DCDC1: variants seen among roughly 807,000 people sequenced by gnomAD.
DCDC1 encodes doublecortin domain containing 1.
DCDC1 carries 200 observed loss-of-function variants against 178.3 expected under a neutral mutation model. The observed-to-expected ratio is 1.12, with a 90% CI of 1.00 to 1.26. DCDC1 has a LOEUF of 1.26. Among genes scored for constraint, DCDC1 ranks in the 50% most tolerant of loss-of-function variants. The pLI is 0.00. For missense variants in DCDC1, 1,983 were observed against 1,749.2 expected (o/e 1.13, Z -2.38); for synonymous variants, 690 against 604.8 (o/e 1.14, Z -2.07).
intron 37 of DCDC1, among the ~76,000 whole-genome samples, chr11:30,879,185 T>C (rs892963617): frequency 3.3e-5 from 5 of 152,212 alleles, no homozygotes; most frequent in African/African-American, 4.8e-5. Flanking sequence ...AAATGTTTTT[T>C]GATATTATAA....
At chr11:31,069,497 T>C (rs556807416) in intron 18 of DCDC1, among the ~76,000 whole-genome samples, 2 of 152,292 alleles carry the variant, frequency 1.3e-5, no homozygotes, top group South Asian at 4.1e-4. Context: ...GCTAAAAACA[T>C]CAAAGCCCAA....
At chr11:31,262,693 T>G (rs925255770) in intron 8 of DCDC1, 1 of 189,018 alleles carries the variant, frequency 5.3e-6, no homozygotes, top group African/African-American at 2.3e-5. Flanking sequence ...ACTTGACCTT[T>G]CCCAAGTTGA....
chr11:31,312,844 A>G (rs1948850469), intron 3 of DCDC1: 1 of 152,048 alleles, frequency 6.6e-6, no homozygotes, highest in Non-Finnish European at 1.5e-5. Context: ...ATGTACATAT[A>G]TAATATATAA....
At chr11:31,367,263 C>A (rs920996628) in intron 1 of DCDC1, among the ~76,000 whole-genome samples, 1 of 152,230 alleles carries the variant, frequency 6.6e-6, no homozygotes, top group Non-Finnish European at 1.5e-5. Flanking sequence ...CATGCCACTG[C>A]ACTCCAGACT....
chr11:31,358,623 A>G (rs1272400558), intron 1 of DCDC1, among the ~76,000 whole-genome samples: 3 of 152,158 alleles, frequency 2.0e-5, no homozygotes, highest in Non-Finnish European at 4.4e-5. Flanking sequence ...CTGCACAGCA[A>G]AAGAAACTAC....
intron 10 of DCDC1, among the ~76,000 whole-genome samples, chr11:31,133,889 A>T (rs1202480038): frequency 6.6e-6 from 1 of 152,058 alleles, no homozygotes; most frequent in Non-Finnish European, 1.5e-5. Flanking sequence ...TTTTTAGTAA[A>T]GATTGGTTTC....
At chr11:31,282,297 G>C (rs1330646123) in intron 7 of DCDC1, among the ~76,000 whole-genome samples, 3 of 151,668 alleles carry the variant, frequency 2.0e-5, no homozygotes, top group Non-Finnish European at 4.4e-5. Context: ...CTCAGTTTTG[G>C]TAATTTATGT....
intron 9 of DCDC1, among the ~76,000 whole-genome samples, chr11:31,239,091 T>C (rs1976801296): frequency 3.3e-5 from 5 of 152,080 alleles, no homozygotes; most frequent in Non-Finnish European, 2.9e-5. Context: ...TTTTTATATG[T>C]GGTCTCAAAA....
intron 37 of DCDC1, among the ~76,000 whole-genome samples, chr11:30,880,594 GCTAATATATAC>G (rs1942573639): frequency 6.6e-6 from 1 of 151,992 alleles, no homozygotes; most frequent in African/African-American, 2.4e-5. Flanking sequence ...TTATATCTTT[GCTAATATATAC>G]CTACCTACAA....
intron 1 of DCDC1, among the ~76,000 whole-genome samples, chr11:31,351,540 CT>C (rs1205121888): frequency 1.3e-5 from 2 of 151,988 alleles, no homozygotes; most frequent in Admixed American, 6.6e-5. Flanking sequence ...ATGGAGCAGG[CT>C]CAGAAAAGTT....
rs568554999 is a variant in DCDC1, at chr11:31,098,236, G to A, written c.1983+3941C>T. Among the ~76,000 whole-genome samples the A allele has an allele frequency of 2.0e-5, 3 of 152,266 alleles. No homozygotes were observed. The East Asian group carries it at 5.8e-4, about 29-fold the overall frequency. The stretch of plus-strand genomic sequence containing the variant: ...CTCATTTGATATTAACTACCATGAA[G>A]TTTAAATCTCACCCATTTCATGGAA... On this transcript the variant is annotated intron_variant, in intron 15 of 38. Coordinates refer to ENST00000684477, the MANE Select transcript of DCDC1 (RefSeq NM_001387274.1).
At chr11:30,944,307 A>G (rs1287401780) in intron 21 of DCDC1, 1 of 456,726 alleles carries the variant, frequency 2.2e-6, no homozygotes. Context: ...CTTAGGAACC[A>G]AGTCTATCTC....
At chr11:30,871,268 G>C (rs774450488) in intron 38 of DCDC1, among the ~76,000 whole-genome samples, 8 of 152,094 alleles carry the variant, frequency 5.3e-5, no homozygotes, top group Admixed American at 1.3e-4. Context: ...ATTCACATGA[G>C]GACCAAGCAC....
At chr11:31,010,639 C>T (rs1403282633) in intron 20 of DCDC1, among the ~76,000 whole-genome samples, 1 of 152,104 alleles carries the variant, frequency 6.6e-6, no homozygotes, top group Non-Finnish European at 1.5e-5. Context: ...ACACAGGGAA[C>T]AAGAAGGTGA....
chr11:31,262,892 CAT>C (rs1944888097), intron 8 of DCDC1: 8 of 582,160 alleles, frequency 1.4e-5, no homozygotes, highest in Non-Finnish European at 2.0e-5. Context: ...AATGCTTCCA[CAT>C]GTTAGTGGTT....
intron 13 of DCDC1, among the ~76,000 whole-genome samples, chr11:31,104,502 A>G (rs998636946): frequency 2.0e-5 from 3 of 152,132 alleles, no homozygotes; most frequent in African/African-American, 7.2e-5. Context: ...GTCATGAAAA[A>G]CAAAACAAAA....
At chr11:30,902,516 A>G (rs925696354) in intron 32 of DCDC1, among the ~76,000 whole-genome samples, 2 of 151,926 alleles carry the variant, frequency 1.3e-5, no homozygotes, top group East Asian at 1.9e-4. Flanking sequence ...ATACACATAT[A>G]TGTGTGTGTG....
chr11:31,002,202 A>C (rs1951615962), intron 20 of DCDC1, among the ~76,000 whole-genome samples: 1 of 152,188 alleles, frequency 6.6e-6, no homozygotes, highest in South Asian at 2.1e-4. Context: ...AGGTAGTATA[A>C]TTTGGGAGGG....
At chr11:31,119,625 T>G (rs745644372) in intron 11 of DCDC1, among the ~76,000 whole-genome samples, 2 of 152,210 alleles carry the variant, frequency 1.3e-5, no homozygotes, top group Non-Finnish European at 2.9e-5. Flanking sequence ...CATAGATTCC[T>G]AAATATTAAA....
Sources: allele counts gnomAD v4.1 joint callset (sites outside exome capture counted in the v4.1 genomes callset), GRCh38; gene constraint gnomAD v4.1.1; transcripts MANE v1.5; gene names NCBI Gene and HGNC (gene_info 2026-07-23, HGNC 2026-07-21).